The following MIPEP variants were observed in gnomAD, a reference collection of about 807,000 sequenced individuals.
MIPEP encodes the protein mitochondrial intermediate peptidase.
A neutral mutation model predicts 90.3 loss-of-function variants in MIPEP; 79 were observed. The observed-to-expected ratio is 0.87, with a 90% CI of 0.73 to 1.05. MIPEP has a LOEUF of 1.05. Among genes scored for constraint, MIPEP ranks in the 50% least tolerant of loss-of-function variants. The pLI is 0.00. For missense variants in MIPEP, 940 were observed against 905.6 expected, an observed-to-expected ratio of 1.04 and a Z score of -0.49; for synonymous variants, 334 against 315.8, an observed-to-expected ratio of 1.06 and a Z score of -0.61.
intron 14 of MIPEP, among the ~76,000 whole-genome samples, chr13:23,833,548 C>T (rs1868869326): frequency 6.6e-6 from 1 of 152,202 alleles, no homozygotes; most frequent in African/African-American, 2.4e-5. Context: ...TTCAACAATA[C>T]ATCTTCTTAC....
At position 23,841,252 on chromosome 13, in the gene MIPEP, T is replaced by C. The variant is rs1869281711; in HGVS notation, c.1260+83A>G. 3.8e-6 allele frequency: 5 copies of C among 1,304,344 alleles called. No homozygotes were observed. The South Asian group carries it at 6.1e-5, about 16-fold the overall frequency. The allele number at this position is 1,304,344 out of a possible 1,614,324, so 80.8% of individuals were successfully genotyped here. On this transcript the variant is annotated intron_variant, in intron 11 of 18. Transcript: ENST00000382172. ...ACACACTCAGTCAGGGCAAAGTTGA[T>C]GTAAACCTGAAACTGCTGTTGACTC...
rs182121899 is a variant in MIPEP, at chr13:23,806,424, T to C, written c.1729-355A>G. ...CAGGCGCGGTGGCTCACGCCTGTAATCCCAGCACTTTGGGAGGCCGAGGCG... is the reference window on the plus strand; with the variant it reads ...CAGGCGCGGTGGCTCACGCCTGTAACCCCAGCACTTTGGGAGGCCGAGGCG... On this transcript the variant is annotated intron_variant, in intron 15 of 18. Transcript: ENST00000382172. Among the ~76,000 whole-genome samples the C allele has an allele frequency of 3.3e-3, 506 of 152,258 alleles. 2 individuals carry two copies. Among genetic ancestry groups the C allele is most frequent in the African/African-American group, 0.012 (493 of 41,548 alleles).
intron 14 of MIPEP, among the ~76,000 whole-genome samples, chr13:23,813,583 T>TAA (rs1403193942): frequency 3.3e-5 from 5 of 152,140 alleles, no homozygotes; most frequent in African/African-American, 1.2e-4. Context: ...TGTATATCTA[T>TAA]AAAAAAATAT....
At chr13:23,872,387 G>C (rs990456295) in intron 5 of MIPEP, among the ~76,000 whole-genome samples, 1 of 152,194 alleles carries the variant, frequency 6.6e-6, no homozygotes, top group African/African-American at 2.4e-5. Flanking sequence ...CTTGAACCCG[G>C]GAGGCGGAGG....
intron 18 of MIPEP, among the ~76,000 whole-genome samples, chr13:23,754,678 C>A (rs1036556975): frequency 7.2e-5 from 11 of 152,150 alleles, no homozygotes; most frequent in Non-Finnish European, 1.6e-4. Context: ...TATCTCCTAT[C>A]AGCAAATGTT....
intron 18 of MIPEP, among the ~76,000 whole-genome samples, chr13:23,732,765 A>G (rs1328400129): frequency 6.6e-6 from 1 of 152,214 alleles, no homozygotes; most frequent in African/African-American, 2.4e-5. Flanking sequence ...TCGGGAGTGG[A>G]TATTAGAATC....
intron 4 of MIPEP, among the ~76,000 whole-genome samples, chr13:23,876,890 G>T (rs1315549678): frequency 6.6e-6 from 1 of 151,940 alleles, no homozygotes; most frequent in Non-Finnish European, 1.5e-5. Context: ...ACCCCAAATG[G>T]TTATCCATTG....
At chr13:23,744,132 T>C (rs753063742) in intron 18 of MIPEP, among the ~76,000 whole-genome samples, 2 of 152,272 alleles carry the variant, frequency 1.3e-5, no homozygotes, top group Non-Finnish European at 2.9e-5. Flanking sequence ...TCTTGCTTTG[T>C]ACGCTGTGCG....
intron 18 of MIPEP, among the ~76,000 whole-genome samples, chr13:23,755,788 A>G (rs1270244202): frequency 6.6e-5 from 10 of 152,336 alleles, no homozygotes; most frequent in South Asian, 6.2e-4. Context: ...GTAATACCTT[A>G]AAGATATTAA....
At chr13:23,798,078 A>T (rs1293963468) in intron 16 of MIPEP, among the ~76,000 whole-genome samples, 2 of 152,260 alleles carry the variant, frequency 1.3e-5, no homozygotes, top group African/African-American at 2.4e-5. Context: ...GTAGGCACTT[A>T]ATAAAAAGAT....
chr13:23,777,675 C>T (rs1445161723), intron 16 of MIPEP, among the ~76,000 whole-genome samples: 1 of 151,942 alleles, frequency 6.6e-6, no homozygotes, highest in African/African-American at 2.4e-5. Context: ...AGGATTAGTC[C>T]AATAGACTAG....
chr13:23,798,099 TA>T (rs898015523), intron 16 of MIPEP, among the ~76,000 whole-genome samples: 4 of 152,244 alleles, frequency 2.6e-5, no homozygotes, highest in African/African-American at 9.6e-5. Flanking sequence ...AACACATACA[TA>T]TACATTATAT....
intron 16 of MIPEP, among the ~76,000 whole-genome samples, chr13:23,774,296 G>A (rs572291015): frequency 6.6e-6 from 1 of 152,102 alleles, no homozygotes; most frequent in Non-Finnish European, 1.5e-5. Context: ...GCACCACACA[G>A]TCTTGATTAC....
At chr13:23,781,255 C>A (rs892416100) in intron 16 of MIPEP, among the ~76,000 whole-genome samples, 6 of 152,204 alleles carry the variant, frequency 3.9e-5, no homozygotes, top group Non-Finnish European at 8.8e-5. Context: ...CAGCAAATCT[C>A]TTGGCAGAAA....
chr13:23,886,922 T>C (rs2137545407), intron 1 of MIPEP, among the ~76,000 whole-genome samples: 1 of 152,186 alleles, frequency 6.6e-6, no homozygotes, highest in East Asian at 1.9e-4. Context: ...ACCCTGGTCA[T>C]GTTATTTCTC....
intron 14 of MIPEP, among the ~76,000 whole-genome samples, chr13:23,830,873 C>T (rs9510884): frequency 0.62 from 94,497 of 152,078 alleles, 30,507 homozygotes; most frequent in East Asian, 0.78. Flanking sequence ...AACAGGCCCT[C>T]CAAAATTGAT....
intron 16 of MIPEP, among the ~76,000 whole-genome samples, chr13:23,770,725 G>A (rs1465321559): frequency 1.3e-5 from 2 of 152,146 alleles, no homozygotes; most frequent in African/African-American, 2.4e-5. Flanking sequence ...AATCTAATCA[G>A]CCAGCACCTG....
At chr13:23,791,067 A>C (rs1433237772) in intron 16 of MIPEP, among the ~76,000 whole-genome samples, 1 of 152,038 alleles carries the variant, frequency 6.6e-6, no homozygotes, top group Non-Finnish European at 1.5e-5. Context: ...GGGACCTCAC[A>C]ATCCACTTCC....
At chr13:23,882,418 TAACTACATGGTAGTCTTTGTGCAGAAAAC>T in intron 2 of MIPEP, among the ~76,000 whole-genome samples, 1 of 152,202 alleles carries the variant, frequency 6.6e-6, no homozygotes, top group South Asian at 2.1e-4. Flanking sequence ...GTCTTTGATT[TAACTACATGGTAGTCTTTGTGCAGAAAAC>T]AAAGGCACGG....
Sources: gnomAD v4.1 joint callset for allele counts (sites outside exome capture counted in the v4.1 genomes callset) on GRCh38, gnomAD v4.1.1 for gene constraint, MANE v1.5 for transcripts, NCBI Gene and HGNC (gene_info 2026-07-23, HGNC 2026-07-21) for gene names.